Variants in PPP1R1C observed in about 807,000 individuals in gnomAD.
The protein encoded by PPP1R1C is protein phosphatase 1 regulatory inhibitor subunit 1C, also known as protein phosphatase 1 regulatory subunit 1C.
In PPP1R1C, 15 loss-of-function variants were observed where a neutral mutation model predicts 17.4. The observed-to-expected ratio is 0.86, with a 90% confidence interval of 0.58 to 1.33. The LOEUF (loss-of-function observed/expected upper bound fraction) is 1.33, where lower values mean the gene tolerates loss of function less well. PPP1R1C is among the 40% of genes most tolerant of loss of function. The pLI is 0.00. For missense variants in PPP1R1C, 143 were observed against 130.0 expected (o/e 1.10, Z -0.48); for synonymous variants, 35 against 43.1 (o/e 0.81, Z 0.73).
chr2:182,064,312 A>G (rs1002056716), intron 4 of PPP1R1C, among the ~76,000 whole-genome samples: 5 of 152,138 alleles, frequency 3.3e-5, no homozygotes, highest in Non-Finnish European at 5.9e-5. Context: ...CAGATTCTGA[A>G]ATTTTCCCCA....
rs185308807 is a variant in PPP1R1C at position 181,990,097 on chromosome 2, G to C, written c.142+2198G>C. Among the ~76,000 whole-genome samples, 6 of 151,784 alleles carry C rather than the reference G, an allele frequency of 4.0e-5. No individual in the cohort carries two copies. The East Asian group carries it at 1.2e-3, about 29-fold the overall frequency. ...CAAACTTGGATACTGGTCTTAACTA[G>C]CCATGTGATGTGATCTTGGGAAAGG... is the stretch of plus-strand genomic sequence containing the variant. On this transcript the variant is annotated intron_variant, in intron 2 of 4. Coordinates refer to ENST00000682840, the MANE Select transcript of PPP1R1C (RefSeq NM_001080545.3).
At chr2:182,050,321 A>T (rs924491770) in intron 2 of PPP1R1C, among the ~76,000 whole-genome samples, 1 of 152,200 alleles carries the variant, frequency 6.6e-6, no homozygotes, top group Non-Finnish European at 1.5e-5. Flanking sequence ...TTGATTTCAT[A>T]GAAGTTTATC....
chr2:181,955,061 A>G (rs1283108006), intron 1 of PPP1R1C, among the ~76,000 whole-genome samples: 2 of 152,214 alleles, frequency 1.3e-5, no homozygotes, highest in Non-Finnish European at 2.9e-5. Context: ...TATTCCATTT[A>G]TAAAACAAAG....
upstream of PPP1R1C, among the ~76,000 whole-genome samples, chr2:181,983,866 A>G (rs1291169937): frequency 6.6e-6 from 1 of 152,180 alleles, no homozygotes; most frequent in Non-Finnish European, 1.5e-5. Flanking sequence ...ATGATACTTA[A>G]CTGAATCTTA....
intron 1 of PPP1R1C, among the ~76,000 whole-genome samples, chr2:181,987,213 A>G (rs1053230453): frequency 2.6e-5 from 4 of 152,062 alleles, no homozygotes; most frequent in Non-Finnish European, 5.9e-5. Flanking sequence ...AATAAAGGAT[A>G]TTATATTCAA....
intron 2 of PPP1R1C, among the ~76,000 whole-genome samples, chr2:182,027,600 G>A (rs937288268): frequency 3.0e-5 from 3 of 98,726 alleles, no homozygotes; most frequent in African/African-American, 4.1e-5. Flanking sequence ...ATGTGCTGCT[G>A]GATTCGGTTT....
chr2:182,007,342 T>C (rs1045781374), intron 2 of PPP1R1C, among the ~76,000 whole-genome samples: 2 of 152,182 alleles, frequency 1.3e-5, no homozygotes, highest in African/African-American at 2.4e-5. Context: ...TTCTACAATA[T>C]CAATAAGAAT....
chr2:181,963,449 GC>G (rs778686092), intron 1 of PPP1R1C, among the ~76,000 whole-genome samples: 1 of 152,160 alleles, frequency 6.6e-6, no homozygotes, highest in Non-Finnish European at 1.5e-5. Flanking sequence ...GACCAGCCTG[GC>G]CAACATGGTG....
chr2:181,969,890 C>A (rs918897687), intron 1 of PPP1R1C, among the ~76,000 whole-genome samples: 3 of 152,150 alleles, frequency 2.0e-5, no homozygotes, highest in African/African-American at 7.2e-5. Context: ...GCTGTTGAGA[C>A]TCTGATGCAT....
At chr2:182,033,886 G>A (rs1392061077) in intron 2 of PPP1R1C, among the ~76,000 whole-genome samples, 3 of 152,102 alleles carry the variant, frequency 2.0e-5, no homozygotes, top group East Asian at 1.9e-4. Context: ...GTACCAGGAC[G>A]CAGAAAAGTT....
At position 182,053,635 on chromosome 2, in the gene PPP1R1C, A is replaced by G. The variant is rs576750097; in HGVS notation, c.143-7807A>G. On this transcript the variant is annotated intron_variant, in intron 2 of 4. Transcript: ENST00000682840. ...ATGGTCTGGGCGTAGAGTTATTTTC[A>G]TTAACTTTCTTGGCATCTGTTTTAT... is the stretch of plus-strand genomic sequence containing the variant. Among the ~76,000 whole-genome samples, 17 of 152,104 alleles carry G rather than the reference A, an allele frequency of 1.1e-4. 1 individual carries two copies. In the South Asian group the frequency reaches 3.5e-3, roughly 32 times the overall value.
chr2:181,985,011 A>G (rs1378040311), upstream of PPP1R1C, among the ~76,000 whole-genome samples: 1 of 152,160 alleles, frequency 6.6e-6, no homozygotes, highest in African/African-American at 2.4e-5. This position sits in a 1 kb window ranked among gnomAD's most constrained non-coding sequence, Gnocchi z 4.1. Flanking sequence ...TACCCACTTC[A>G]TGCTTTTTTC....
intron 4 of PPP1R1C, among the ~76,000 whole-genome samples, chr2:182,084,669 T>C (rs1688576879): frequency 6.6e-6 from 1 of 152,182 alleles, no homozygotes; most frequent in Non-Finnish European, 1.5e-5. Flanking sequence ...ACTATAGCCT[T>C]GTAGTATAAT....
At chr2:182,052,951 T>G (rs1687570095) in intron 2 of PPP1R1C, among the ~76,000 whole-genome samples, 1 of 152,206 alleles carries the variant, frequency 6.6e-6, no homozygotes, top group Admixed American at 6.5e-5. Context: ...TATGGCAATA[T>G]GTTTCCCTTT....
chr2:181,971,468 C>T (rs966333456), intron 1 of PPP1R1C, among the ~76,000 whole-genome samples: 1 of 152,190 alleles, frequency 6.6e-6, no homozygotes, highest in South Asian at 2.1e-4. Context: ...TTTAATGTCC[C>T]CTCTACTCTC....
chr2:182,058,606 CAG>C (rs1320880110), intron 2 of PPP1R1C, among the ~76,000 whole-genome samples: 1 of 152,036 alleles, frequency 6.6e-6, no homozygotes. Flanking sequence ...ATGAGGAAGG[CAG>C]AGTAAGAATT....
rs1246040364 is a variant in PPP1R1C, at chr2:182,108,123, T to C, written c.242-9084T>C. 2.0e-5 allele frequency among the ~76,000 whole-genome samples: 3 copies of C among 152,228 alleles called. No individual in the cohort carries two copies. In the East Asian group the frequency reaches 5.8e-4, roughly 29 times the overall value. The stretch of plus-strand genomic sequence containing the variant: ...GGATGGAAATGTTTGTTATCTTGAA[T>C]GTAGTAATGGTGTCACAGATGCTAA... On this transcript the variant is annotated intron_variant, in intron 4 of 4. Coordinates refer to ENST00000682840, the MANE Select transcript of PPP1R1C (RefSeq NM_001080545.3).
intron 4 of PPP1R1C, among the ~76,000 whole-genome samples, chr2:182,071,520 C>A (rs1688139379): frequency 6.6e-6 from 1 of 152,182 alleles, no homozygotes; most frequent in Non-Finnish European, 1.5e-5. Flanking sequence ...AGATTCTTCA[C>A]TGTAAAGTTA....
intron 2 of PPP1R1C, among the ~76,000 whole-genome samples, chr2:182,014,008 A>T (rs896113428): frequency 6.6e-6 from 1 of 152,210 alleles, no homozygotes; most frequent in Non-Finnish European, 1.5e-5. Context: ...AAAAGTTTAC[A>T]TATCTCTGTC....
Sources: allele counts gnomAD v4.1 joint callset (sites outside exome capture counted in the v4.1 genomes callset), GRCh38; gene constraint gnomAD v4.1.1; non-coding constraint Gnocchi (gnomAD v3.1); transcripts MANE v1.5; gene names NCBI Gene and HGNC (gene_info 2026-07-23, HGNC 2026-07-21).